The following MYO1B variants were observed in gnomAD, a reference collection of about 807,000 sequenced individuals.
MYO1B encodes myosin IB, also known as unconventional myosin-Ib.
MYO1B carries 72 observed loss-of-function variants against 159.7 expected under a neutral mutation model. The ratio of observed to expected loss-of-function variants is 0.45; its 90% CI spans 0.37 to 0.55. MYO1B has a LOEUF of 0.55. Among genes scored for constraint, MYO1B ranks in the 20% least tolerant of loss-of-function variants. The pLI, the probability that MYO1B is intolerant of heterozygous loss-of-function variation, is 0.00. For synonymous variants in MYO1B, 468 were observed against 473.8 expected (o/e 0.99, Z 0.16); for missense variants, 1,062 against 1,364.8 (o/e 0.78, Z 3.50).
intron 1 of MYO1B, among the ~76,000 whole-genome samples, chr2:191,272,853 A>G (rs933343296): frequency 6.6e-6 from 1 of 152,192 alleles, no homozygotes; most frequent in African/African-American, 2.4e-5. Flanking sequence ...GCAGGTCCTC[A>G]TGCCTGTGCC....
intron 24 of MYO1B, 83 bp downstream of exon 24, chr2:191,402,801 T>C (rs1349469882): frequency 2.9e-6 from 3 of 1,046,786 alleles, no homozygotes; most frequent in African/African-American, 1.6e-5. Context: ...TGATTGATTA[T>C]GCTTGCTGAT....
intron 5 of MYO1B, among the ~76,000 whole-genome samples, chr2:191,342,269 T>C (rs1209482735): frequency 2.0e-5 from 3 of 152,150 alleles, no homozygotes; most frequent in Admixed American, 1.3e-4. Flanking sequence ...GAATCTCTTC[T>C]CATAAGACCA....
chr2:191,395,647 GAAGT>G (rs1321582919), intron 20 of MYO1B, among the ~76,000 whole-genome samples: 3 of 152,236 alleles, frequency 2.0e-5, no homozygotes, highest in Non-Finnish European at 4.4e-5. Context: ...GTCAGCCCTA[GAAGT>G]AAGAAAGGCC....
intron 13 of MYO1B, among the ~76,000 whole-genome samples, chr2:191,375,428 G>A (rs1269689623): frequency 6.6e-6 from 1 of 151,888 alleles, no homozygotes; most frequent in African/African-American, 2.4e-5. Context: ...ACAATTTAAA[G>A]TAGATTTAAA....
At chr2:191,254,784 C>A (rs1686338517) in intron 1 of MYO1B, among the ~76,000 whole-genome samples, 2 of 152,026 alleles carry the variant, frequency 1.3e-5, no homozygotes, top group Admixed American at 1.3e-4. Flanking sequence ...AGTCACCACA[C>A]CTGACCTAAT....
intron 1 of MYO1B, among the ~76,000 whole-genome samples, chr2:191,255,047 C>A (rs566896080): frequency 6.6e-6 from 1 of 152,056 alleles, no homozygotes; most frequent in Admixed American, 6.6e-5. Context: ...CCTGTCTCCA[C>A]CTCCCAAGCA....
intron 1 of MYO1B, among the ~76,000 whole-genome samples, chr2:191,251,774 A>C (rs1173196243): frequency 6.6e-6 from 1 of 152,252 alleles, no homozygotes; most frequent in Non-Finnish European, 1.5e-5. Context: ...TAATACATTT[A>C]CACGTCATTT....
chr2:191,288,335 A>G lies in MYO1B; in HGVS notation c.136-7776A>G, dbSNP rs568922803. Among the ~76,000 whole-genome samples, 7 of 151,724 alleles carry G rather than the reference A, an allele frequency of 4.6e-5. No homozygotes were observed. In the South Asian group the frequency reaches 6.3e-4, roughly 14 times the overall value. Reference sequence around the variant, plus strand: ...CGTCTTATGTCACTCTTTGGGGGGAACTTTGTCCAAATCATGCCCATCTTT... The same window carrying G: ...CGTCTTATGTCACTCTTTGGGGGGAGCTTTGTCCAAATCATGCCCATCTTT... On this transcript the variant is annotated intron_variant, in intron 2 of 30. Coordinates refer to ENST00000392318, the MANE Select transcript of MYO1B (RefSeq NM_001130158.3).
intron 29 of MYO1B, among the ~76,000 whole-genome samples, chr2:191,415,541 G>C (rs1398027123): frequency 6.6e-6 from 1 of 150,738 alleles, no homozygotes; most frequent in Non-Finnish European, 1.5e-5. Context: ...ATACCCCTAT[G>C]AAATCAAATT....
chr2:191,394,701 A>G (rs1441933541), intron 20 of MYO1B, among the ~76,000 whole-genome samples: 1 of 152,212 alleles, frequency 6.6e-6, no homozygotes, highest in African/African-American at 2.4e-5. Context: ...GGGAGGGGCC[A>G]TTTGATCGGA....
chr2:191,353,755 A>G (rs1033554187), intron 7 of MYO1B, among the ~76,000 whole-genome samples: 4 of 152,220 alleles, frequency 2.6e-5, no homozygotes, highest in African/African-American at 7.2e-5. Context: ...TAACAATAGG[A>G]CTGATTGCAT....
At chr2:191,302,232 T>C (rs1478239020) in intron 3 of MYO1B, among the ~76,000 whole-genome samples, 1 of 152,236 alleles carries the variant, frequency 6.6e-6, no homozygotes, top group African/African-American at 2.4e-5. Context: ...CTTCTTGCTA[T>C]GGTTGATTAG....
chr2:191,380,456 C>A (rs577502303), intron 13 of MYO1B, among the ~76,000 whole-genome samples: 6 of 152,116 alleles, frequency 3.9e-5, no homozygotes, highest in African/African-American at 1.4e-4. Flanking sequence ...TCATACTATC[C>A]CTCGCTCCCA....
At chr2:191,396,749 G>C (rs146357027) in intron 21 of MYO1B, among the ~76,000 whole-genome samples, 2 of 152,114 alleles carry the variant, frequency 1.3e-5, no homozygotes, top group Non-Finnish European at 2.9e-5. Flanking sequence ...AATAATACCC[G>C]TACATGATTT....
chr2:191,335,954 A>G lies in MYO1B; in HGVS notation c.347-5507A>G, dbSNP rs185098748. ...TCATTACTGCTGTGCTAAATGAAAA[A>G]TTCATCAGACCTCATAAAAGTGCCC... On this transcript the variant is annotated intron_variant, in intron 4 of 30. Transcript: ENST00000392318. Among the ~76,000 whole-genome samples the G allele has an allele frequency of 2.4e-3, 368 of 152,264 alleles. 4 individuals carry two copies. The highest frequency in any genetic ancestry group is 9.1e-4 in the Non-Finnish European group (62 of 68,028).
At chr2:191,269,208 A>G (rs1354125397) in intron 1 of MYO1B, among the ~76,000 whole-genome samples, 4 of 152,020 alleles carry the variant, frequency 2.6e-5, no homozygotes, top group Non-Finnish European at 4.4e-5. Flanking sequence ...TTTTGTCTCT[A>G]TGAATTTGAC....
intron 30 of MYO1B, among the ~76,000 whole-genome samples, chr2:191,419,366 C>T (rs1432260782): frequency 6.6e-6 from 1 of 151,898 alleles, no homozygotes; most frequent in Non-Finnish European, 1.5e-5. Context: ...CTACAGCTGC[C>T]CGCCACCACG....
At chr2:191,358,543 A>G (rs1478501066) in intron 7 of MYO1B, among the ~76,000 whole-genome samples, 1 of 152,210 alleles carries the variant, frequency 6.6e-6, no homozygotes, top group African/African-American at 2.4e-5. Context: ...ACACTCTGCA[A>G]TGTCTATGAG....
rs767174162 is a variant in MYO1B, at chr2:191,393,201, C to T, written c.2205C>T (p.Ala735=). The T allele has an allele frequency of 1.3e-5, 21 of 1,613,842 alleles. No individual in the cohort carries two copies. Among genetic ancestry groups the T allele is most frequent in the East Asian group, 4.5e-5 (2 of 44,892 alleles). Residue 735 remains alanine (A), a synonymous_variant, in exon 20 of 31, where the codon GCC becomes GCT. Transcript: ENST00000392318. The part of the protein sequence containing the change: ...LLMKKSQIVI[A]AWYRRYAQQK... ...TGAAAAAAAGCCAAATTGTGATTGCCGCCTGGTACAGGAGATATGCGGTAA... is the reference window on the plus strand; with the variant it reads ...TGAAAAAAAGCCAAATTGTGATTGCTGCCTGGTACAGGAGATATGCGGTAA...
Sources: allele counts gnomAD v4.1 joint callset (sites outside exome capture counted in the v4.1 genomes callset), GRCh38; gene constraint gnomAD v4.1.1; transcripts MANE v1.5; gene names NCBI Gene and HGNC (gene_info 2026-07-23, HGNC 2026-07-21).